The following ANKRD17 variants were observed in gnomAD, a reference collection of about 807,000 sequenced individuals.
ANKRD17 encodes ankyrin repeat domain-containing protein 17.
Under a neutral mutation model 229.7 loss-of-function variants are expected in ANKRD17, and 19 were observed. That is an observed-to-expected ratio of 0.08 (90% CI 0.06 to 0.12). The LOEUF (loss-of-function observed/expected upper bound fraction) is 0.12. Ranked by LOEUF, ANKRD17 falls within the 10% of genes least tolerant of loss-of-function variation. The pLI is 1.00. For missense variants in ANKRD17, 2,176 were observed against 3,176.8 expected, an observed-to-expected ratio of 0.68 and a Z score of 7.57; for synonymous variants, 1,112 against 1,146.1, an observed-to-expected ratio of 0.97 and a Z score of 0.60.
At chr4:73,213,667 T>C (rs1343985343) in intron 1 of ANKRD17, among the ~76,000 whole-genome samples, 1 of 152,114 alleles carries the variant, frequency 6.6e-6, no homozygotes, top group Non-Finnish European at 1.5e-5. Context: ...CAAAAATAAA[T>C]TGTTGCAAAA....
At chr4:73,254,883 AT>A (rs1176197042) in intron 1 of ANKRD17, among the ~76,000 whole-genome samples, 5 of 152,160 alleles carry the variant, frequency 3.3e-5, no homozygotes, top group Admixed American at 6.5e-5. Context: ...AAATTATAAG[AT>A]TTTTTTCTTG....
chr4:73,239,738 G>A (rs894202419), intron 1 of ANKRD17, among the ~76,000 whole-genome samples: 2 of 151,846 alleles, frequency 1.3e-5, no homozygotes, highest in African/African-American at 4.8e-5. Flanking sequence ...AATAAAAGTG[G>A]AAAAAGATAC....
At position 73,240,563 on chromosome 4, in the gene ANKRD17, G is replaced by A. The variant is rs550963564; in HGVS notation, c.393+17713C>T. On this transcript the variant is annotated intron_variant, in intron 1 of 33. Coordinates refer to ENST00000358602, the MANE Select transcript of ANKRD17 (RefSeq NM_032217.5). ...ACACTTGAGCCCAGGATTTCGAGGC[G>A]GCAGTGAGCTATGATCATGCCACTG... Among the ~76,000 whole-genome samples, 87 of 151,908 alleles carry A rather than the reference G, an allele frequency of 5.7e-4. 1 individual carries two copies. In the South Asian group the frequency reaches 0.016, roughly 28 times the overall value.
intron 30 of ANKRD17, among the ~76,000 whole-genome samples, chr4:73,080,332 C>T (rs1469555108): frequency 6.6e-6 from 1 of 151,832 alleles, no homozygotes; most frequent in African/African-American, 2.4e-5. Flanking sequence ...ACCTAAAATT[C>T]AAAAATGAAC....
intron 5 of ANKRD17, among the ~76,000 whole-genome samples, chr4:73,154,572 T>G (rs1222153080): frequency 6.6e-6 from 1 of 152,154 alleles, no homozygotes; most frequent in Non-Finnish European, 1.5e-5. Flanking sequence ...TCATTACAAC[T>G]TCAAATACCA....
At chr4:73,223,494 A>G (rs1395010570) in intron 1 of ANKRD17, among the ~76,000 whole-genome samples, 1 of 152,222 alleles carries the variant, frequency 6.6e-6, no homozygotes, top group Non-Finnish European at 1.5e-5. Flanking sequence ...GAAATTTGCT[A>G]CATCAGGCAA....
At chr4:73,169,731 C>T (rs1733721936) in intron 2 of ANKRD17, among the ~76,000 whole-genome samples, 1 of 152,172 alleles carries the variant, frequency 6.6e-6, no homozygotes, top group South Asian at 2.1e-4. Context: ...CCTAGCAGCT[C>T]CCCACATGGT....
chr4:73,082,989 G>T (rs762743837), intron 30 of ANKRD17, among the ~76,000 whole-genome samples: 4 of 152,040 alleles, frequency 2.6e-5, no homozygotes, highest in Non-Finnish European at 4.4e-5. Flanking sequence ...GTTATTTAGG[G>T]GCAAAAGGGC....
intron 21 of ANKRD17, 141 bp downstream of exon 21, chr4:73,120,021 G>A (rs1322626812): frequency 4.8e-6 from 4 of 838,836 alleles, no homozygotes; most frequent in African/African-American, 1.7e-5. Context: ...GAAAACAATG[G>A]GTAGGTTTGG....
intron 29 of ANKRD17, among the ~76,000 whole-genome samples, chr4:73,089,560 C>T (rs1402625573): frequency 2.6e-5 from 4 of 152,130 alleles, no homozygotes; most frequent in Middle Eastern, 3.4e-3. Context: ...GTGAAATCTG[C>T]CTAAAATCTG....
At chr4:73,196,462 CA>C (rs1487760867) in intron 1 of ANKRD17, among the ~76,000 whole-genome samples, 94 of 152,252 alleles carry the variant, frequency 6.2e-4, no homozygotes, top group African/African-American at 2.1e-3. Context: ...TCGTGTACCA[CA>C]AATTCTGATA....
In ANKRD17 at chr4:73,247,868, G is replaced by A. The variant is rs138194151; in HGVS notation, c.393+10408C>T. Among the ~76,000 whole-genome samples the A allele has an allele frequency of 3.5e-4, 53 of 151,792 alleles. No individual in the cohort carries two copies. The East Asian group carries it at 5.4e-3, about 15-fold the overall frequency. ...TAACAAGGAAAAAGAATGAAAAGAC[G>A]TATTTCAGGTAATGATTAATTCTGA... On this transcript the variant is annotated intron_variant, in intron 1 of 33. Coordinates refer to ENST00000358602, the MANE Select transcript of ANKRD17 (RefSeq NM_032217.5).
chr4:73,089,562 T>C (rs965746071), intron 29 of ANKRD17, among the ~76,000 whole-genome samples: 1 of 152,216 alleles, frequency 6.6e-6, no homozygotes, highest in African/African-American at 2.4e-5. Flanking sequence ...GAAATCTGCC[T>C]AAAATCTGTA....
chr4:73,224,125 G>C (rs1465675615), intron 1 of ANKRD17, among the ~76,000 whole-genome samples: 3 of 152,222 alleles, frequency 2.0e-5, no homozygotes, highest in East Asian at 3.9e-4. Context: ...GCGTGGTAGT[G>C]CATGCCTGTA....
Position 73,225,646 on chromosome 4 carries a change from G to A in ANKRD17, c.393+32630C>T, listed in dbSNP as rs185648852. 2.7e-3 allele frequency among the ~76,000 whole-genome samples: 415 copies of A among 152,000 alleles called. 1 individual carries two copies. Among genetic ancestry groups the A allele is most frequent in the Non-Finnish European group, 4.5e-3 (305 of 67,964 alleles). On this transcript the variant is annotated intron_variant, in intron 1 of 33. Coordinates refer to ENST00000358602, the MANE Select transcript of ANKRD17 (RefSeq NM_032217.5). ...GGCCCAGGCGGGCAGATCACCTGAGGTCAGGAGTTCGAGAAGAGTCTGACT... is the reference window on the plus strand; with the variant it reads ...GGCCCAGGCGGGCAGATCACCTGAGATCAGGAGTTCGAGAAGAGTCTGACT...
rs561699813 is a variant in ANKRD17, at chr4:73,181,309, C to T, written c.394-3776G>A. Among the ~76,000 whole-genome samples, 12 of 152,206 alleles carry T rather than the reference C, an allele frequency of 7.9e-5. No individual in the cohort carries two copies. In the South Asian group the frequency reaches 1.7e-3, roughly 21 times the overall value. On this transcript the variant is annotated intron_variant, in intron 1 of 33. Coordinates refer to ENST00000358602, the MANE Select transcript of ANKRD17 (RefSeq NM_032217.5). ...AAAGAAATGCATGATACCAGCCTTG[C>T]TATGTAGGACCCTACTTCTTTAATG...
chr4:73,135,190 G>A lies in ANKRD17; in HGVS notation c.3161C>T (p.Thr1054Ile). ...SIAASISQPQ[T>I]PTPSPIISPS... The stretch of plus-strand genomic sequence containing the variant: ...AGAGATGATAGGACTTGGAGTTGGA[G>A]TCTGAGGTTGGGAAATGGATGCAGC... Residue 1054 changes from threonine (T) to isoleucine (I), a missense_variant, in exon 16 of 34, where the codon ACT (threonine) becomes ATT (isoleucine). By Grantham distance (89) the Thr-to-Ile change is moderately conservative. Around this residue, in one of 18 missense-constraint regions of ANKRD17, gnomAD observed 230 missense variants for 252.3 expected, o/e 0.91. Transcript: ENST00000358602. 1 of 1,613,896 alleles carries A rather than the reference G, an allele frequency of 6.2e-7. No homozygotes were observed. Among genetic ancestry groups the A allele is most frequent in the Non-Finnish European group, 8.5e-7 (1 of 1,179,800 alleles).
At chr4:73,256,715 G>A (rs1341607785) in intron 1 of ANKRD17, among the ~76,000 whole-genome samples, 1 of 152,118 alleles carries the variant, frequency 6.6e-6, no homozygotes, top group African/African-American at 2.4e-5. Context: ...TTAGGGATAA[G>A]GACCCCATTA....
chr4:73,115,810 C>T lies in ANKRD17; in HGVS notation c.4284+11G>A, dbSNP rs1725873610. The T allele has an allele frequency of 1.3e-6, 2 of 1,598,450 alleles. No individual in the cohort carries two copies. Among genetic ancestry groups the T allele is most frequent in the African/African-American group, 1.3e-5 (1 of 74,564 alleles). ...TAGAGTCCCTTGCTCATATAGTGAA[C>T]AACATATTACCTTATCAGTGATGGT... On this transcript the variant is annotated intron_variant, in intron 23 of 33. Coordinates refer to ENST00000358602, the MANE Select transcript of ANKRD17 (RefSeq NM_032217.5).
Sources: gnomAD v4.1 joint callset for allele counts (sites outside exome capture counted in the v4.1 genomes callset) on GRCh38, gnomAD v4.1.1 for gene constraint, gnomAD v4.1.1 regional missense constraint, MANE v1.5 for transcripts, NCBI Gene and HGNC (gene_info 2026-07-23, HGNC 2026-07-21) for gene names.